The following FGD6 variants were observed in gnomAD, a reference collection of about 807,000 sequenced individuals.
FGD6 encodes FYVE, RhoGEF and PH domain-containing protein 6.
In FGD6, 90 loss-of-function variants were observed where a neutral mutation model predicts 149.4. The ratio of observed to expected loss-of-function variants is 0.60; its 90% CI spans 0.51 to 0.72. The LOEUF is 0.72. FGD6 is among the 30% of genes least tolerant of loss of function. FGD6 has a pLI of 0.00. For synonymous variants in FGD6, 527 were observed against 584.0 expected (o/e 0.90, Z 1.41); for missense variants, 1,437 against 1,684.8 (o/e 0.85, Z 2.57).
intron 3 of FGD6, among the ~76,000 whole-genome samples, chr12:95,156,956 T>C (rs1880490900): frequency 6.6e-6 from 1 of 152,140 alleles, no homozygotes; most frequent in Non-Finnish European, 1.5e-5. Context: ...AACCTACAAA[T>C]AATTTTATTA....
chr12:95,187,766 G>T (rs1239188549), intron 2 of FGD6, among the ~76,000 whole-genome samples: 1 of 152,104 alleles, frequency 6.6e-6, no homozygotes. Context: ...CTACAGTGAG[G>T]TCATGTGAGC....
chr12:95,101,772 T>C lies in FGD6; in HGVS notation c.3497+3235A>G, dbSNP rs917470644. On this transcript the variant is annotated intron_variant, in intron 14 of 20. Transcript: ENST00000343958. ...ATCTCGGCTCACTGCAACCTCCACT[T>C]CCTGGGTTCAAGCAATTCTCCTGCC... Among the ~76,000 whole-genome samples the C allele has an allele frequency of 4.0e-5, 6 of 149,854 alleles. No individual in the cohort carries two copies. In the South Asian group the frequency reaches 6.5e-4, roughly 16 times the overall value.
intron 9 of FGD6, among the ~76,000 whole-genome samples, chr12:95,111,219 G>T (rs1270828450): frequency 6.6e-6 from 1 of 152,038 alleles, no homozygotes; most frequent in African/African-American, 2.4e-5. Context: ...GGCCTCAAGT[G>T]ACCCACCTGC....
In FGD6 at chr12:95,113,638, A is replaced by C. The variant is rs1209535508; in HGVS notation, c.3133+13T>G. On this transcript the variant is annotated intron_variant, in intron 9 of 20. Transcript: ENST00000343958. ...ATAATATAAAAACTTCTGCAACCAC[A>C]GAAGTTATTTACCTTGAGTGTCTCT... 13 of 1,582,570 alleles carry C rather than the reference A, an allele frequency of 8.2e-6. 1 individual carries two copies. Among genetic ancestry groups the C allele is most frequent in the Admixed American group, 7.6e-5 (4 of 52,658 alleles).
intron 2 of FGD6, among the ~76,000 whole-genome samples, chr12:95,206,995 CT>C (rs1211978834): frequency 4.5e-3 from 628 of 141,018 alleles, no homozygotes; most frequent in Middle Eastern, 0.011. Flanking sequence ...CCCAACAATG[CT>C]TTTTTTTTTT....
chr12:95,148,520 TATATATTATATA>T (rs1471860952), intron 5 of FGD6, among the ~76,000 whole-genome samples: 1 of 116,442 alleles, frequency 8.6e-6, no homozygotes, highest in African/African-American at 3.1e-5. Context: ...TATATTATAT[TATATATTATATA>T]ATATATAGCA....
At chr12:95,116,650 C>A (rs1006273429) in intron 8 of FGD6, among the ~76,000 whole-genome samples, 4 of 152,172 alleles carry the variant, frequency 2.6e-5, no homozygotes, top group African/African-American at 9.7e-5. Flanking sequence ...GTTGCAACAT[C>A]ATGCTATTAA....
At chr12:95,133,639 G>A (rs781156158) in intron 8 of FGD6, among the ~76,000 whole-genome samples, 8 of 152,072 alleles carry the variant, frequency 5.3e-5, no homozygotes, top group Non-Finnish European at 1.0e-4. Flanking sequence ...TTGACTTTAC[G>A]GTTGTGGCCA....
At chr12:95,125,812 G>T in intron 8 of FGD6, 1 of 886,374 alleles carries the variant, frequency 1.1e-6, no homozygotes. Context: ...GTCGCCTTTG[G>T]ACCTCATGCT....
At position 95,209,366 on chromosome 12, in the gene FGD6, T is replaced by A. The variant is rs535014275; in HGVS notation, c.1918A>T (p.Met640Leu). 1.1e-5 allele frequency: 17 copies of A among 1,613,474 alleles called. No individual in the cohort carries two copies. The African/African-American group carries it at 2.3e-4, about 22-fold the overall frequency. ...CAAAATTTTTGAAAGTCACTCTTCA[T>A]GAAACAGATGGACAGTTTCATGCTG... ...LLSMKLSICF[M>L]KSDFQKFWSK... Residue 640 changes from methionine (M) to leucine (L), a missense_variant, in exon 2 of 21, where the codon ATG (methionine) becomes TTG (leucine). Met to Leu is a conservative substitution (Grantham distance 15). Around this residue, in one of 2 missense-constraint regions of FGD6, gnomAD observed 1,055 missense variants for 1,146.0 expected, o/e 0.92. Transcript: ENST00000343958.
At chr12:95,090,866 G>A (rs1433969093) in intron 17 of FGD6, among the ~76,000 whole-genome samples, 2 of 152,198 alleles carry the variant, frequency 1.3e-5, no homozygotes, top group Admixed American at 6.5e-5. Context: ...GGGAGGCTGA[G>A]GCGGGTGGAT....
chr12:95,110,201 C>A (rs901894067), intron 9 of FGD6, among the ~76,000 whole-genome samples: 1 of 152,042 alleles, frequency 6.6e-6, no homozygotes, highest in Non-Finnish European at 1.5e-5. Flanking sequence ...TGGTCTTGAT[C>A]TCCTGACCTC....
intron 14 of FGD6, among the ~76,000 whole-genome samples, chr12:95,099,447 A>T (rs1264995637): frequency 1.3e-5 from 2 of 152,122 alleles, no homozygotes; most frequent in African/African-American, 2.4e-5. Flanking sequence ...TGGTTGGAGG[A>T]ATCTGGAAGG....
rs1253858375 is a variant in FGD6, at chr12:95,079,097, T to C, written c.*2423A>G. 1 of 152,116 alleles carries C rather than the reference T, an allele frequency of 6.6e-6. No homozygotes were observed. Among genetic ancestry groups the C allele is most frequent in the African/African-American group, 2.4e-5 (1 of 41,446 alleles). The allele number at this position is 152,116 out of a possible 1,614,324, so 9.4% of individuals were successfully genotyped here. A position where few individuals can be genotyped will look rare whatever the true frequency, so the allele number is the denominator to read the frequency against. The stretch of plus-strand genomic sequence containing the variant: ...AAATTGCATATAATTAGGTTCTTAG[T>C]TGACAATGAATGAGCCAGGTTACAT... On this transcript the variant is annotated 3_prime_UTR_variant, in exon 21 of 21. Coordinates refer to ENST00000343958, the MANE Select transcript of FGD6 (RefSeq NM_018351.4).
intron 16 of FGD6, among the ~76,000 whole-genome samples, chr12:95,092,381 G>A (rs1878085810): frequency 6.6e-6 from 1 of 152,166 alleles, no homozygotes; most frequent in South Asian, 2.1e-4. Context: ...GTACTAGAGA[G>A]ATGCAGTTTA....
At chr12:95,141,691 AC>A in intron 5 of FGD6, 152 bp from the exon 6 acceptor site, 1 of 741,790 alleles carries the variant, frequency 1.3e-6, no homozygotes, top group Non-Finnish European at 2.1e-6. Context: ...CCTTCCTCCT[AC>A]CCCACTCACC....
At chr12:95,099,897 T>C (rs1878362616) in intron 14 of FGD6, among the ~76,000 whole-genome samples, 1 of 149,618 alleles carries the variant, frequency 6.7e-6, no homozygotes, top group Non-Finnish European at 1.5e-5. Flanking sequence ...TACTAGGCTC[T>C]CCCCGGAGTA....
intron 5 of FGD6, among the ~76,000 whole-genome samples, chr12:95,147,408 A>T (rs1880048912): frequency 6.6e-6 from 1 of 152,200 alleles, no homozygotes; most frequent in Non-Finnish European, 1.5e-5. Context: ...GCAATCTTTT[A>T]TGTCTAGTTT....
chr12:95,201,783 A>G (rs2056663652), intron 2 of FGD6, among the ~76,000 whole-genome samples: 1 of 152,212 alleles, frequency 6.6e-6, no homozygotes, highest in Non-Finnish European at 1.5e-5. Flanking sequence ...AAACAAAATA[A>G]TCATATCCTT....
Sources: allele counts gnomAD v4.1 joint callset (sites outside exome capture counted in the v4.1 genomes callset), GRCh38; gene constraint gnomAD v4.1.1; regional missense constraint gnomAD v4.1.1; transcripts MANE v1.5; gene names NCBI Gene and HGNC (gene_info 2026-07-23, HGNC 2026-07-21).